RPL35A: variants seen among roughly 807,000 people sequenced by gnomAD.
The protein encoded by RPL35A is ribosomal protein L35a, also known as large ribosomal subunit protein eL33.
In RPL35A, 1 loss-of-function variant was observed where a neutral mutation model predicts 16.7. The observed-to-expected ratio is 0.06, with a 90% confidence interval of 0.02 to 0.28. The LOEUF (loss-of-function observed/expected upper bound fraction) is 0.28, where lower values mean the gene tolerates loss of function less well. Ranked by LOEUF, RPL35A falls within the 10% of genes least tolerant of loss-of-function variation. RPL35A has a pLI of 1.00. For synonymous variants in RPL35A, 58 were observed against 47.0 expected (o/e 1.23, Z -0.96); for missense variants, 91 against 138.7 (o/e 0.66, Z 1.73).
chr3:197,950,909 T>C, intron 1 of RPL35A, 27 bp from the exon 2 acceptor site: 1 of 1,613,172 alleles, frequency 6.2e-7, no homozygotes. Context: ...GGCTTGGTTT[T>C]AAACTAATCT....
chr3:197,951,899 T>C (rs1581100146), intron 3 of RPL35A, among the ~76,000 whole-genome samples: 2 of 152,134 alleles, frequency 1.3e-5, no homozygotes, highest in South Asian at 2.1e-4. Flanking sequence ...GGTTTCCCCA[T>C]GTTGGCCAGG....
chr3:197,950,807 T>C (rs1720003520), intron 1 of RPL35A, 129 bp from the exon 2 acceptor site: 4 of 756,936 alleles, frequency 5.3e-6, no homozygotes, highest in East Asian at 2.6e-5. Flanking sequence ...TGTTCTGGCA[T>C]TGTTGTCCCC....
At chr3:197,954,334 T>A in intron 4 of RPL35A, 187 bp downstream of exon 4, 2 of 683,438 alleles carry the variant, frequency 2.9e-6, no homozygotes, top group Non-Finnish European at 5.0e-6. Flanking sequence ...TGTTTGTTTT[T>A]TGTTTTTTTT....
intron 2 of RPL35A, 26 bp downstream of exon 2, chr3:197,951,004 A>AT (rs1720024064): frequency 1.9e-6 from 3 of 1,612,058 alleles, no homozygotes; most frequent in Non-Finnish European, 2.5e-6. Context: ...ATAGTTCTTT[A>AT]TTTTTGTGTG....
At chr3:197,954,477 G>T in intron 4 of RPL35A, 1 of 383,254 alleles carries the variant, frequency 2.6e-6, no homozygotes, top group Non-Finnish European at 4.9e-6. Context: ...GGGACCATAG[G>T]CGTGTGCCAC....
chr3:197,951,920 AT>A (rs1431372949), intron 3 of RPL35A, among the ~76,000 whole-genome samples: 9 of 152,124 alleles, frequency 5.9e-5, no homozygotes, highest in African/African-American at 2.2e-4. Context: ...CTGGATTGGT[AT>A]TGCTGTGGCT....
chr3:197,953,342 C>A, intron 3 of RPL35A: 1 of 431,770 alleles, frequency 2.3e-6, no homozygotes. Context: ...GGCCACTGTA[C>A]TGCAGCCTGG....
At chr3:197,950,579 A>C in intron 1 of RPL35A, 1 of 345,996 alleles carries the variant, frequency 2.9e-6, no homozygotes, top group South Asian at 4.3e-5. Flanking sequence ...TTTCTCCCCC[A>C]GCCATTGCAT....
chr3:197,955,968 G>T lies in RPL35A; in HGVS notation c.*195G>T. On this transcript the variant is annotated 3_prime_UTR_variant, in exon 5 of 5. Transcript: ENST00000647248. The stretch of plus-strand genomic sequence containing the variant: ...GAGTACAGAGATTTAGAAGGGAACG[G>T]GTTTTAATGCGAGTATCTTTGACAG... 1.7e-6 allele frequency: 1 copy of T among 587,664 alleles called. No homozygotes were observed. The highest frequency in any genetic ancestry group is 3.1e-6 in the Non-Finnish European group (1 of 326,556). 36.4% of individuals were successfully genotyped at this position (587,664 alleles called of 1,614,324 possible). A position where few individuals can be genotyped will look rare whatever the true frequency, so the allele number is the denominator to read the frequency against.
chr3:197,955,939 G>T lies in RPL35A; in HGVS notation c.*166G>T. 1.5e-6 allele frequency: 1 copy of T among 652,798 alleles called. No individual in the cohort carries two copies. The highest frequency in any genetic ancestry group is 2.8e-6 in the Non-Finnish European group (1 of 362,410). 40.4% of individuals were successfully genotyped at this position (652,798 alleles called of 1,614,324 possible). ...AGAGAGACATGTGATGAAAATTACA[G>T]GGCGAGTACAGAGATTTAGAAGGGA... On this transcript the variant is annotated 3_prime_UTR_variant, in exon 5 of 5. Coordinates refer to ENST00000647248, the MANE Select transcript of RPL35A (RefSeq NM_000996.4).
chr3:197,953,035 G>A (rs951798778), intron 3 of RPL35A, among the ~76,000 whole-genome samples: 2 of 151,874 alleles, frequency 1.3e-5, no homozygotes, highest in Non-Finnish European at 2.9e-5. Context: ...TCCTGACCTC[G>A]TGATCCACCC....
At position 197,955,760 on chromosome 3, in the gene RPL35A, C is replaced by T. The variant is rs2109818973; in HGVS notation, c.320C>T (p.Pro107Leu). Residue 107 changes from proline to leucine, a missense_variant, in exon 5 of 5, where the codon CCC becomes CTC. By Grantham distance (98) the Pro-to-Leu change is moderately conservative. Transcript: ENST00000647248. Reference sequence around the variant, plus strand: ...CTTTTTTCCCTGCAGATGCTGTACCCCTCAAGGATTTAAACTAACGAAAAA... The same window carrying T: ...CTTTTTTCCCTGCAGATGCTGTACCTCTCAAGGATTTAAACTAACGAAAAA... Reference protein sequence around the residue: ...IGHRIRVMLYPSRI With the variant: ...IGHRIRVMLYLSRI 6.2e-7 allele frequency: 1 copy of T among 1,605,834 alleles called. No individual in the cohort carries two copies. The highest frequency in any genetic ancestry group is 8.5e-7 in the Non-Finnish European group (1 of 1,174,336).
chr3:197,952,162 G>GTTTTT (rs1161903755), intron 3 of RPL35A, among the ~76,000 whole-genome samples: 15 of 83,886 alleles, frequency 1.8e-4, no homozygotes, highest in African/African-American at 3.1e-4. Flanking sequence ...AAAATTATGG[G>GTTTTT]TTTTTTTTTT....
At chr3:197,953,389 A>G (rs779880133) in intron 3 of RPL35A, 6 of 456,052 alleles carry the variant, frequency 1.3e-5, no homozygotes, top group Non-Finnish European at 2.6e-5. Context: ...AAGGAAATAT[A>G]TATAAAGTCA....
intron 3 of RPL35A, among the ~76,000 whole-genome samples, chr3:197,952,124 T>C (rs931609170): frequency 6.6e-6 from 1 of 151,970 alleles, no homozygotes; most frequent in Non-Finnish European, 1.5e-5. Flanking sequence ...TTAGAACACT[T>C]GTGCTTAATG....
At chr3:197,954,225 C>A in intron 4 of RPL35A, 78 bp downstream of exon 4, 2 of 1,492,488 alleles carry the variant, frequency 1.3e-6, no homozygotes, top group South Asian at 1.1e-5. Context: ...CTTCTGAGGA[C>A]TTCTGTGGTT....
intron 3 of RPL35A, chr3:197,951,623 G>C (rs894039035): frequency 3.2e-5 from 12 of 374,438 alleles, no homozygotes; most frequent in African/African-American, 1.9e-4. Context: ...AAAGTGCTGA[G>C]ATTACAGGCT....
At chr3:197,953,801 A>G in intron 3 of RPL35A, 1 of 623,726 alleles carries the variant, frequency 1.6e-6, no homozygotes, top group Non-Finnish European at 2.9e-6. Flanking sequence ...TTTGTTTTAT[A>G]GCTGCTGTAT....
intron 3 of RPL35A, chr3:197,953,502 T>C (rs1581104538): frequency 6.6e-6 from 3 of 456,462 alleles, no homozygotes; most frequent in Non-Finnish European, 1.3e-5. Flanking sequence ...GATTAACCCC[T>C]TGGTGTCTTC....
Sources: gnomAD v4.1 joint callset for allele counts (sites outside exome capture counted in the v4.1 genomes callset) on GRCh38, gnomAD v4.1.1 for gene constraint, MANE v1.5 for transcripts, NCBI Gene and HGNC (gene_info 2026-07-23, HGNC 2026-07-21) for gene names.